The following ZFHX3 variants were observed in gnomAD, a reference collection of about 807,000 sequenced individuals.
The protein encoded by ZFHX3 is zinc finger homeobox 3.
Under a neutral mutation model 279.1 loss-of-function variants are expected in ZFHX3, and 42 were observed. The observed-to-expected ratio is 0.15, with a 90% confidence interval of 0.12 to 0.19. ZFHX3 has a LOEUF of 0.19. Among genes scored for constraint, ZFHX3 ranks in the 10% least tolerant of loss-of-function variants. The probability of loss-of-function intolerance (pLI) is 1.00; values close to 1 mark genes in which losing one functional copy is unlikely to be tolerated. For synonymous variants in ZFHX3, 2,293 were observed against 1,957.8 expected (o/e 1.17, Z -4.52); for missense variants, 4,981 against 4,754.0 (o/e 1.05, Z -1.40).
intron 2 of ZFHX3, chr16:73,504,189 C>T (rs1421856020): frequency 1.3e-5 from 2 of 152,130 alleles, no homozygotes; most frequent in African/African-American, 2.4e-5. Flanking sequence ...CACTCCCCAG[C>T]TTTGGAAAGA....
chr16:72,866,690 T>C (rs1194375594), intron 4 of ZFHX3, among the ~76,000 whole-genome samples: 1 of 152,162 alleles, frequency 6.6e-6, no homozygotes, highest in Non-Finnish European at 1.5e-5. Flanking sequence ...GGAAATGAGA[T>C]GGGTGCTGGG....
At chr16:72,890,280 C>A (rs2038739775) in intron 3 of ZFHX3, among the ~76,000 whole-genome samples, 1 of 152,160 alleles carries the variant, frequency 6.6e-6, no homozygotes. Flanking sequence ...AGGGGCTTTT[C>A]CCTACTTCAC....
intron 3 of ZFHX3, among the ~76,000 whole-genome samples, chr16:72,895,873 CTAGA>C (rs146417471): frequency 2.6e-5 from 4 of 151,774 alleles, no homozygotes; most frequent in East Asian, 1.9e-4. Flanking sequence ...GTAGATTAGA[CTAGA>C]TAGATAGATA....
intron 1 of ZFHX3, among the ~76,000 whole-genome samples, chr16:73,743,748 G>T (rs1483803453): frequency 6.6e-6 from 1 of 152,062 alleles, no homozygotes; most frequent in African/African-American, 2.4e-5. Flanking sequence ...TAATCCAGTG[G>T]AATATTACAC....
rs1555498935 is a variant in ZFHX3 at position 73,105,356 on chromosome 16, C to CACAT, written c.-896-11759_-896-11758insATGT. ...ACACACGTGTGTATATATATATACACATATATATACACACATATATATATA... is the reference window on the plus strand; with the variant it reads ...ACACACGTGTGTATATATATATACACACATATATATATACACACATATATATATA... On this transcript the variant is annotated intron_variant, in intron 7 of 17. Coordinates refer to the ZFHX3 transcript ENST00000641206. Among the ~76,000 whole-genome samples, 159 of 120,074 alleles carry CACAT rather than the reference C, an allele frequency of 1.3e-3. 1 individual carries two copies. The highest frequency in any genetic ancestry group is 4.4e-3 in the African/African-American group (147 of 33,430). The allele number at this position is 120,074 out of a possible 152,430, so 78.8% of individuals were successfully genotyped here. A position where few individuals can be genotyped will look rare whatever the true frequency, so the allele number is the denominator to read the frequency against.
intron 1 of ZFHX3, among the ~76,000 whole-genome samples, chr16:73,719,385 C>T (rs1426678909): frequency 6.6e-6 from 1 of 152,200 alleles, no homozygotes; most frequent in Non-Finnish European, 1.5e-5. Flanking sequence ...ATTTTGGAAT[C>T]TGGTTACACT....
intron 1 of ZFHX3, among the ~76,000 whole-genome samples, chr16:72,977,376 T>A (rs1350592314): frequency 6.6e-6 from 1 of 152,158 alleles, no homozygotes; most frequent in Non-Finnish European, 1.5e-5. Flanking sequence ...CAGCCCAGCT[T>A]TCACGTGACC....
intron 2 of ZFHX3, among the ~76,000 whole-genome samples, chr16:73,667,545 G>A (rs72801490): frequency 4.9e-4 from 75 of 152,266 alleles, no homozygotes; most frequent in Non-Finnish European, 7.8e-4. Context: ...CAGCATGTAT[G>A]ACAGTTTAGT....
intron 3 of ZFHX3, among the ~76,000 whole-genome samples, chr16:73,367,996 G>T (rs190670462): frequency 3.6e-4 from 54 of 151,270 alleles, no homozygotes; most frequent in Non-Finnish European, 5.6e-4. Context: ...TCAGCCTCTC[G>T]AGTAGCTGGG....
chr16:73,027,920 G>A (rs890682041), intron 1 of ZFHX3, among the ~76,000 whole-genome samples: 1 of 151,996 alleles, frequency 6.6e-6, no homozygotes, highest in African/African-American at 2.4e-5. Context: ...ACTCCTCATC[G>A]CTCAGCACTG....
At chr16:73,414,267 C>G (rs1015906976) in intron 3 of ZFHX3, among the ~76,000 whole-genome samples, 1 of 152,232 alleles carries the variant, frequency 6.6e-6, no homozygotes, top group African/African-American at 2.4e-5. Flanking sequence ...ATAACCCACA[C>G]AGAGATAATT....
At chr16:73,188,866 CTTTT>C (rs67553147) in intron 5 of ZFHX3, among the ~76,000 whole-genome samples, 1 of 138,814 alleles carries the variant, frequency 7.2e-6, no homozygotes. Flanking sequence ...ATTTCTTTTT[CTTTT>C]TTTTTTTTTT....
intron 4 of ZFHX3, among the ~76,000 whole-genome samples, chr16:73,315,816 C>T (rs2015432741): frequency 6.6e-6 from 1 of 152,182 alleles, no homozygotes; most frequent in African/African-American, 2.4e-5. Context: ...TGTCATTGCC[C>T]ACTCACTTCC....
At chr16:72,932,458 T>C (rs1959869233) in intron 3 of ZFHX3, among the ~76,000 whole-genome samples, 1 of 150,730 alleles carries the variant, frequency 6.6e-6, no homozygotes, top group Non-Finnish European at 1.5e-5. Flanking sequence ...GATGGAGATA[T>C]CCCTTTGGGA....
chr16:72,883,889 T>TA (rs2038558285), intron 4 of ZFHX3, among the ~76,000 whole-genome samples: 1 of 151,864 alleles, frequency 6.6e-6, no homozygotes, highest in Non-Finnish European at 1.5e-5. Flanking sequence ...AGACATACAG[T>TA]AAAAAGGAAA....
intron 2 of ZFHX3, chr16:73,483,577 T>G: frequency 6.1e-6 from 2 of 326,858 alleles, no homozygotes; most frequent in South Asian, 2.3e-5. Flanking sequence ...TACAAGGGCC[T>G]ACCAGACCCT....
rs770453754 is a variant in ZFHX3, at chr16:72,787,916, C to G, written c.10360G>C (p.Asp3454His). The change falls in exon 10 of 10, where the codon GAC (aspartate) becomes CAC (histidine). Residue 3454 changes from aspartate (D) to histidine (H), a missense_variant. This residue lies in a region of ZFHX3 where 1,034 missense variants were observed against 786.0 expected (regional missense o/e 1.32). Transcript: ENST00000268489. The part of the protein sequence containing the change: ...AESKSADSLY[D>H]PFIVPKVQYK... ...TGCACCTTTGGAACAATGAAGGGGT[C>G]GTAGAGGGAGTCCGCACTTTTGCTT... The G allele has an allele frequency of 4.3e-6, 7 of 1,613,894 alleles. No individual in the cohort carries two copies. Among genetic ancestry groups the G allele is most frequent in the African/African-American group, 4.0e-5 (3 of 74,880 alleles).
intron 1 of ZFHX3, among the ~76,000 whole-genome samples, chr16:73,016,452 G>T (rs1964107106): frequency 6.6e-6 from 1 of 151,918 alleles, no homozygotes; most frequent in Non-Finnish European, 1.5e-5. Flanking sequence ...GCTTGTGAAA[G>T]ATACGACTTT....
intron 4 of ZFHX3, among the ~76,000 whole-genome samples, chr16:73,289,311 C>G (rs1218367947): frequency 6.6e-6 from 1 of 151,918 alleles, no homozygotes; most frequent in South Asian, 2.1e-4. Context: ...TGTTCCTGCT[C>G]CAGCCATTCA....
Sources: gnomAD v4.1 joint callset for allele counts (sites outside exome capture counted in the v4.1 genomes callset) on GRCh38, gnomAD v4.1.1 for gene constraint, gnomAD v4.1.1 regional missense constraint, MANE v1.5 for transcripts, NCBI Gene and HGNC (gene_info 2026-07-23, HGNC 2026-07-21) for gene names.